The following DLEU7 variants were observed in gnomAD, a reference collection of about 807,000 sequenced individuals.
DLEU7 encodes the protein leukemia-associated protein 7.
A neutral mutation model predicts 16.0 loss-of-function variants in DLEU7; 17 were observed. That is an observed-to-expected ratio of 1.06 (90% CI 0.73 to 1.59). The LOEUF is 1.59. Ranked by LOEUF, DLEU7 falls within the 40% of genes most tolerant of loss-of-function variation. The pLI is 0.00. For synonymous variants in DLEU7, 113 were observed against 139.8 expected (o/e 0.81, Z 1.35); for missense variants, 308 against 314.9 (o/e 0.98, Z 0.17).
At chr13:50,789,789 T>C (rs1347455300) in intron 1 of DLEU7, among the ~76,000 whole-genome samples, 2 of 152,156 alleles carry the variant, frequency 1.3e-5, no homozygotes, top group Non-Finnish European at 2.9e-5. Context: ...GTGAGGTGAA[T>C]TACTGCCCAC....
intron 1 of DLEU7, among the ~76,000 whole-genome samples, chr13:50,721,223 C>T (rs983732770): frequency 1.3e-5 from 2 of 152,206 alleles, no homozygotes; most frequent in East Asian, 1.9e-4. Context: ...TTTGGACTCT[C>T]GCACTTAGAC....
At chr13:50,811,440 A>G (rs73186335) in intron 1 of DLEU7, among the ~76,000 whole-genome samples, 31,523 of 152,076 alleles carry the variant, frequency 0.21, 4,009 homozygotes, top group Non-Finnish European at 0.29. Context: ...ACTCCTATCT[A>G]TTAAATAGAC....
chr13:50,817,442 G>A (rs1006417169), intron 1 of DLEU7, among the ~76,000 whole-genome samples: 2 of 152,152 alleles, frequency 1.3e-5, no homozygotes, highest in African/African-American at 4.8e-5. Context: ...AGTGAAACCA[G>A]GACTGTGGTA....
In DLEU7 at chr13:50,834,538, A is replaced by G. The variant is rs145869262; in HGVS notation, c.459+8650T>C. On this transcript the variant is annotated intron_variant, in intron 1 of 1. Coordinates refer to ENST00000504404, the MANE Select transcript of DLEU7 (RefSeq NM_001306135.2). Reference sequence around the variant, plus strand: ...AACGGAGATCATTAAAAAGTCAGGAAACAACATATGCGGGAGAGTATGTGG... The same window carrying G: ...AACGGAGATCATTAAAAAGTCAGGAGACAACATATGCGGGAGAGTATGTGG... Among the ~76,000 whole-genome samples, 1,198 of 152,342 alleles carry G rather than the reference A, an allele frequency of 7.9e-3. 13 individuals carry two copies. The highest frequency in any genetic ancestry group is 0.027 in the African/African-American group (1,138 of 41,570).
intron 1 of DLEU7, among the ~76,000 whole-genome samples, chr13:50,809,514 G>A (rs1039511083): frequency 4.6e-5 from 7 of 152,112 alleles, no homozygotes; most frequent in Non-Finnish European, 8.8e-5. Flanking sequence ...AGAGGAGTGA[G>A]AATTCAACTG....
chr13:50,790,846 G>C (rs1875935861), intron 1 of DLEU7, among the ~76,000 whole-genome samples: 1 of 152,130 alleles, frequency 6.6e-6, no homozygotes, highest in Non-Finnish European at 1.5e-5. Context: ...CAGGGCTGAG[G>C]CTTTGTGCTC....
At chr13:50,747,066 A>G (rs1593539106) in intron 1 of DLEU7, among the ~76,000 whole-genome samples, 1 of 152,224 alleles carries the variant, frequency 6.6e-6, no homozygotes. Flanking sequence ...AGGTAATGAT[A>G]ATAAGAACCA....
At chr13:50,743,988 A>C (rs942641270) in intron 1 of DLEU7, among the ~76,000 whole-genome samples, 1 of 152,110 alleles carries the variant, frequency 6.6e-6, no homozygotes, top group African/African-American at 2.4e-5. Context: ...CGCTTTTCTC[A>C]TTTGCCAGCT....
At chr13:50,749,412 C>T (rs1473239995) in intron 1 of DLEU7, among the ~76,000 whole-genome samples, 2 of 152,098 alleles carry the variant, frequency 1.3e-5, no homozygotes, top group Non-Finnish European at 2.9e-5. Flanking sequence ...GTGCAAGTAT[C>T]TTTTTTGTAT....
intron 1 of DLEU7, among the ~76,000 whole-genome samples, chr13:50,773,086 G>A (rs6561590): frequency 0.021 from 3,267 of 152,188 alleles, 114 homozygotes; most frequent in African/African-American, 0.072. Context: ...CATGCGTCAC[G>A]TAGTTCTCGT....
chr13:50,836,850 A>G (rs747825897), intron 1 of DLEU7, among the ~76,000 whole-genome samples: 34 of 152,306 alleles, frequency 2.2e-4, no homozygotes, highest in South Asian at 1.2e-3. Flanking sequence ...CTCCAGACCC[A>G]TTAGCACCCT....
At chr13:50,823,640 T>A in intron 1 of DLEU7, 120 bp from the exon 2 acceptor site, 2 of 1,252,468 alleles carry the variant, frequency 1.6e-6, no homozygotes, top group Non-Finnish European at 1.1e-6. Flanking sequence ...GTTTTTTTTT[T>A]TCTTGGAAAA....
chr13:50,730,039 AAAAG>A (rs1487107627), intron 1 of DLEU7, among the ~76,000 whole-genome samples: 2 of 151,168 alleles, frequency 1.3e-5, no homozygotes, highest in Non-Finnish European at 2.9e-5. Context: ...GCTAGAAAAA[AAAAG>A]AATGTTATTA....
rs571987870 is a variant in DLEU7, at chr13:50,728,210, G to A, written c.460-14970C>T. The stretch of plus-strand genomic sequence containing the variant: ...ATCACATGAGGTTGGGCTTTGGTCG[G>A]GGGTGGGAATGGGTGTCTGCAGCTT... On this transcript the variant is annotated intron_variant, in intron 1 of 1. Coordinates refer to the DLEU7 transcript ENST00000400393. 9.9e-5 allele frequency among the ~76,000 whole-genome samples: 15 copies of A among 152,264 alleles called. No homozygotes were observed. The East Asian group carries it at 2.9e-3, about 29-fold the overall frequency.
intron 1 of DLEU7, among the ~76,000 whole-genome samples, chr13:50,739,322 G>A (rs1162076000): frequency 6.6e-6 from 1 of 152,108 alleles, no homozygotes; most frequent in African/African-American, 2.4e-5. Context: ...TGCATCATCT[G>A]GAACCAAATT....
At chr13:50,825,092 T>C (rs932104156) in intron 1 of DLEU7, among the ~76,000 whole-genome samples, 4 of 152,172 alleles carry the variant, frequency 2.6e-5, no homozygotes, top group African/African-American at 9.7e-5. Flanking sequence ...CATTAGATTC[T>C]CTCTTTTTTT....
At chr13:50,828,098 A>G (rs544100651) in intron 1 of DLEU7, among the ~76,000 whole-genome samples, 83 of 152,310 alleles carry the variant, frequency 5.4e-4, no homozygotes, top group South Asian at 1.2e-3. Flanking sequence ...ATCATAACAT[A>G]CATTCAGTCT....
intron 1 of DLEU7, among the ~76,000 whole-genome samples, chr13:50,744,532 C>G (rs373289498): frequency 6.6e-6 from 1 of 152,108 alleles, no homozygotes; most frequent in East Asian, 1.9e-4. Context: ...AGTAAGCATA[C>G]TTTTGTGGGT....
intron 1 of DLEU7, chr13:50,813,012 C>T (rs955827929): frequency 3.9e-5 from 6 of 152,122 alleles, no homozygotes; most frequent in African/African-American, 9.7e-5. Context: ...GTTATTCCCA[C>T]GTGATCCCTT....
Sources: gnomAD v4.1 joint callset for allele counts (sites outside exome capture counted in the v4.1 genomes callset) on GRCh38, gnomAD v4.1.1 for gene constraint, MANE v1.5 for transcripts, NCBI Gene and HGNC (gene_info 2026-07-23, HGNC 2026-07-21) for gene names.